Variants in ADHFE1 observed in about 807,000 individuals in gnomAD.
ADHFE1 encodes the protein alcohol dehydrogenase iron containing 1, also known as hydroxyacid-oxoacid transhydrogenase, mitochondrial.
In ADHFE1, 37 loss-of-function variants were observed where a neutral mutation model predicts 54.8. The ratio of observed to expected loss-of-function variants is 0.68; its 90% CI spans 0.52 to 0.89. The LOEUF is 0.89. Among genes scored for constraint, ADHFE1 ranks in the 40% least tolerant of loss-of-function variants. The pLI, the probability that ADHFE1 is intolerant of heterozygous loss-of-function variation, is 0.00. For missense variants in ADHFE1, 601 were observed against 591.2 expected, an observed-to-expected ratio of 1.02 and a Z score of -0.17; for synonymous variants, 203 against 229.3, an observed-to-expected ratio of 0.89 and a Z score of 1.04.
Position 66,442,814 on chromosome 8 carries a change from T to C in ADHFE1, c.114T>C (p.Pro38=), listed in dbSNP as rs368371697. 4.4e-6 allele frequency: 7 copies of C among 1,596,918 alleles called. No individual in the cohort carries two copies. The African/African-American group carries it at 5.4e-5, about 12-fold the overall frequency. ...CATTTCTAGCCCCTGGACTTTCACC[T>C]TCTGGGAAAACAACAGATTATGCCT... is the stretch of plus-strand genomic sequence containing the variant. ...HTYSQAPGLS[P]SGKTTDYAFE... is the part of the protein sequence containing the mutation. Residue 38 remains proline (P), a synonymous_variant, in exon 3 of 14, where the codon CCT becomes CCC. Coordinates refer to ENST00000396623, the MANE Select transcript of ADHFE1 (RefSeq NM_144650.3).
chr8:66,433,881 A>G (rs1805328842), intron 1 of ADHFE1, among the ~76,000 whole-genome samples: 1 of 152,118 alleles, frequency 6.6e-6, no homozygotes, highest in South Asian at 2.1e-4. Context: ...TTGGTTGTAA[A>G]CCTGTGTCAT....
Position 66,433,277 on chromosome 8 carries a change from C to T in ADHFE1, c.59+702C>T, listed in dbSNP as rs555279882. 2.6e-4 allele frequency among the ~76,000 whole-genome samples: 40 copies of T among 152,112 alleles called. No homozygotes were observed. The South Asian group carries it at 3.1e-3, about 12-fold the overall frequency. ...AGTAGGAGGAAAGGCGAGGGACTGG[C>T]GAGGAACGTCAGGCAGAGAGAAGAG... is the stretch of plus-strand genomic sequence containing the variant. On this transcript the variant is annotated intron_variant, in intron 1 of 13. Transcript: ENST00000396623.
At position 66,440,199 on chromosome 8, in the gene ADHFE1, G is replaced by C; in HGVS notation, c.97G>C (p.Ala33Pro). The change falls in exon 2 of 14, where the codon GCC becomes CCC. Residue 33 changes from alanine (A) to proline (P), a missense_variant and splice_region_variant. Coordinates refer to ENST00000396623, the MANE Select transcript of ADHFE1 (RefSeq NM_144650.3). ...CPTHSHTYSQAPGLSPSGKTT... is the reference protein window; with the variant it reads ...CPTHSHTYSQPPGLSPSGKTT... Reference sequence around the variant, plus strand: ...AACTCATTCTCATACTTACTCCCAAGGTAATACTTCTGTATTTTTAAACTA... The same window carrying C: ...AACTCATTCTCATACTTACTCCCAACGTAATACTTCTGTATTTTTAAACTA... The C allele has an allele frequency of 6.4e-7, 1 of 1,568,800 alleles. No homozygotes were observed. Among genetic ancestry groups the C allele is most frequent in the Non-Finnish European group, 8.7e-7 (1 of 1,153,578 alleles).
intron 13 of ADHFE1, among the ~76,000 whole-genome samples, chr8:66,461,987 G>A (rs1455103910): frequency 2.0e-5 from 3 of 152,044 alleles, no homozygotes; most frequent in South Asian, 2.1e-4. Context: ...ACTCTCTAAC[G>A]CCCTCACAGT....
chr8:66,445,668 G>C (rs957983568), intron 6 of ADHFE1, among the ~76,000 whole-genome samples: 5 of 152,198 alleles, frequency 3.3e-5, no homozygotes, highest in Admixed American at 2.6e-4. Flanking sequence ...TGGAAAAGGG[G>C]GAAGGTCATC....
intron 12 of ADHFE1, chr8:66,460,107 T>C: frequency 1.7e-6 from 1 of 603,624 alleles, no homozygotes; most frequent in East Asian, 2.9e-5. Flanking sequence ...ATGTAGGACT[T>C]GGCAGCCCCT....
At chr8:66,467,671 T>C (rs897967960) in intron 13 of ADHFE1, among the ~76,000 whole-genome samples, 1 of 152,134 alleles carries the variant, frequency 6.6e-6, no homozygotes, top group Admixed American at 6.6e-5. Context: ...CCCGAGAAGC[T>C]ACTGACCAGA....
intron 8 of ADHFE1, among the ~76,000 whole-genome samples, chr8:66,449,455 C>T (rs1472690695): frequency 6.6e-6 from 1 of 152,246 alleles, no homozygotes; most frequent in African/African-American, 2.4e-5. Flanking sequence ...AGACCATGCA[C>T]ATTGTGTTAG....
At chr8:66,442,444 C>T (rs761637423) in intron 2 of ADHFE1, among the ~76,000 whole-genome samples, 4 of 151,328 alleles carry the variant, frequency 2.6e-5, no homozygotes, top group African/African-American at 7.3e-5. Context: ...CCGAGTAGCT[C>T]GGACTACAGG....
At chr8:66,432,689 G>A in intron 1 of ADHFE1, 114 bp downstream of exon 1, 1 of 1,235,576 alleles carries the variant, frequency 8.1e-7, no homozygotes, top group Non-Finnish European at 1.0e-6. Flanking sequence ...AGAATTCGGA[G>A]AATTTGGATA....
intron 9 of ADHFE1, 62 bp from the exon 10 acceptor site, chr8:66,453,997 C>A: frequency 6.3e-7 from 1 of 1,594,466 alleles, no homozygotes; most frequent in Non-Finnish European, 8.5e-7. Flanking sequence ...TAAGGCAGCT[C>A]CTTATTCTGT....
At chr8:66,448,762 T>C (rs776461759) in intron 7 of ADHFE1, 103 bp from the exon 8 acceptor site, 20 of 1,058,578 alleles carry the variant, frequency 1.9e-5, no homozygotes, top group Non-Finnish European at 2.8e-5. Flanking sequence ...ATGAACCTTT[T>C]CTCATATTTT....
chr8:66,440,240 T>G, intron 2 of ADHFE1, 41 bp downstream of exon 2: 1 of 1,587,044 alleles, frequency 6.3e-7, no homozygotes, highest in Non-Finnish European at 8.6e-7. Flanking sequence ...AATTTTGGTT[T>G]CTGCATTTGG....
intron 6 of ADHFE1, among the ~76,000 whole-genome samples, 189 bp from the exon 7 acceptor site, chr8:66,447,075 C>T (rs1358474991): frequency 2.0e-5 from 3 of 152,104 alleles, no homozygotes; most frequent in Admixed American, 1.3e-4. Flanking sequence ...AGATTACATA[C>T]ATATTAATGC....
intron 1 of ADHFE1, among the ~76,000 whole-genome samples, chr8:66,437,851 C>G (rs1805545966): frequency 6.6e-6 from 1 of 152,090 alleles, no homozygotes; most frequent in Admixed American, 6.5e-5. Flanking sequence ...TCTGCAGCCT[C>G]GGGCCTCAGG....
chr8:66,444,335 T>C, intron 3 of ADHFE1, 32 bp from the exon 4 acceptor site: 2 of 1,608,124 alleles, frequency 1.2e-6, no homozygotes, highest in Non-Finnish European at 1.7e-6. Flanking sequence ...TCTCAAATAC[T>C]CCCTACACCT....
chr8:66,464,960 A>G (rs986606350), intron 13 of ADHFE1, among the ~76,000 whole-genome samples: 1 of 152,196 alleles, frequency 6.6e-6, no homozygotes, highest in Non-Finnish European at 1.5e-5. Context: ...AAGTGAAATC[A>G]TACAATATTT....
At chr8:66,455,786 G>A (rs1355595542) in intron 10 of ADHFE1, among the ~76,000 whole-genome samples, 1 of 152,100 alleles carries the variant, frequency 6.6e-6, no homozygotes, top group Admixed American at 6.5e-5. Flanking sequence ...AGCCAAGTGT[G>A]GTGGTGCATG....
At chr8:66,464,112 G>A (rs762020599) in intron 13 of ADHFE1, among the ~76,000 whole-genome samples, 3 of 152,176 alleles carry the variant, frequency 2.0e-5, no homozygotes, top group Non-Finnish European at 4.4e-5. Flanking sequence ...TTTCATGAAC[G>A]TGCTAAAAGT....
Sources: allele counts gnomAD v4.1 joint callset (sites outside exome capture counted in the v4.1 genomes callset), GRCh38; gene constraint gnomAD v4.1.1; transcripts MANE v1.5; gene names NCBI Gene and HGNC (gene_info 2026-07-23, HGNC 2026-07-21).